Variants in ABHD17B observed in about 807,000 individuals in gnomAD.
The protein encoded by ABHD17B is abhydrolase domain containing 17B, depalmitoylase.
Under a neutral mutation model 26.2 loss-of-function variants are expected in ABHD17B, and 9 were observed. That is an observed-to-expected ratio of 0.34 (90% confidence interval 0.21 to 0.60). ABHD17B has a LOEUF of 0.60. Among genes scored for constraint, ABHD17B ranks in the 20% least tolerant of loss-of-function variants. The probability of loss-of-function intolerance (pLI) is 0.80; values close to 1 mark genes in which losing one functional copy is unlikely to be tolerated. For missense variants in ABHD17B, 224 were observed against 352.1 expected, an observed-to-expected ratio of 0.64 and a Z score of 2.91; for synonymous variants, 127 against 122.3, an observed-to-expected ratio of 1.04 and a Z score of -0.25.
chr9:71,877,778 T>C (rs1589216322), intron 1 of ABHD17B, among the ~76,000 whole-genome samples: 1 of 152,160 alleles, frequency 6.6e-6, no homozygotes, highest in East Asian at 1.9e-4. Context: ...GTTGAACATA[T>C]ATAATGCTGT....
Position 71,874,676 on chromosome 9 carries a change from C to T in ABHD17B, c.405G>A (p.Gly135=), listed in dbSNP as rs747402530. ...CATAGAGGTTCTTCTCTGTGGGTTTCCCGGAACTGGCACCATATCCAGAAT... is the reference window on the plus strand; with the variant it reads ...CATAGAGGTTCTTCTCTGTGGGTTTTCCGGAACTGGCACCATATCCAGAAT... ...YDYSGYGASS[G]KPTEKNLYAD... is the part of the protein sequence containing the mutation. The change falls in exon 2 of 4, where the codon GGG becomes GGA. Residue 135 remains glycine (G), a synonymous_variant. Coordinates refer to ENST00000333421, the MANE Select transcript of ABHD17B (RefSeq NM_001025780.3). 1.9e-6 allele frequency: 3 copies of T among 1,613,374 alleles called. No individual in the cohort carries two copies. The South Asian group carries it at 3.3e-5, about 18-fold the overall frequency.
chr9:71,868,868 T>C (rs1426373572), intron 3 of ABHD17B, among the ~76,000 whole-genome samples: 1 of 152,128 alleles, frequency 6.6e-6, no homozygotes, highest in Non-Finnish European at 1.5e-5. Flanking sequence ...TTTGTAATTT[T>C]GGTGGAGACG....
chr9:71,907,618 TCTC>T (rs1217825161), intron 1 of ABHD17B, among the ~76,000 whole-genome samples: 3 of 152,138 alleles, frequency 2.0e-5, no homozygotes, highest in African/African-American at 7.2e-5. Flanking sequence ...TTCAAGCGAT[TCTC>T]CTGCCTCAGC....
intron 1 of ABHD17B, among the ~76,000 whole-genome samples, chr9:71,875,980 C>T (rs1452392171): frequency 6.6e-6 from 1 of 152,194 alleles, no homozygotes; most frequent in Admixed American, 6.5e-5. Flanking sequence ...TGTTACTGGG[C>T]TACACTGCCT....
intron 1 of ABHD17B, among the ~76,000 whole-genome samples, chr9:71,905,048 T>A (rs185872107): frequency 3.5e-3 from 539 of 152,214 alleles, no homozygotes; most frequent in African/African-American, 0.012. Context: ...ACATTTGATA[T>A]TAAAATTAAA....
intron 1 of ABHD17B, among the ~76,000 whole-genome samples, chr9:71,899,614 A>G (rs755291043): frequency 1.3e-5 from 2 of 152,204 alleles, no homozygotes; most frequent in Non-Finnish European, 2.9e-5. Context: ...TTGTGGAAGG[A>G]GCACTAGCCC....
intron 1 of ABHD17B, among the ~76,000 whole-genome samples, chr9:71,908,342 A>C (rs1165452675): frequency 6.7e-6 from 1 of 148,234 alleles, no homozygotes; most frequent in Non-Finnish European, 1.5e-5. Context: ...CAGTGAGCCG[A>C]GATCGCGCCA....
At chr9:71,909,488 G>A (rs999099469) in intron 1 of ABHD17B, among the ~76,000 whole-genome samples, 2 of 152,126 alleles carry the variant, frequency 1.3e-5, no homozygotes, top group African/African-American at 4.8e-5. Context: ...AACATATGTA[G>A]AGAAACTCTT....
intron 2 of ABHD17B, among the ~76,000 whole-genome samples, chr9:71,873,341 ATAAT>A (rs1826166357): frequency 1.3e-5 from 2 of 152,200 alleles, no homozygotes; most frequent in Non-Finnish European, 2.9e-5. Flanking sequence ...GTATGCTGCT[ATAAT>A]CAAAGAATAA....
chr9:71,902,118 C>T (rs1196851110), intron 1 of ABHD17B, among the ~76,000 whole-genome samples: 1 of 152,104 alleles, frequency 6.6e-6, no homozygotes, highest in East Asian at 1.9e-4. Flanking sequence ...CTCATCACTC[C>T]CCCTTCAAAT....
At chr9:71,875,670 A>C (rs1451110748) in intron 1 of ABHD17B, among the ~76,000 whole-genome samples, 1 of 152,214 alleles carries the variant, frequency 6.6e-6, no homozygotes, top group Non-Finnish European at 1.5e-5. Flanking sequence ...GATAAAGGTA[A>C]TATTTGCCAT....
At chr9:71,864,457 G>A (rs1048306240), downstream of ABHD17B, among the ~76,000 whole-genome samples, 3 of 152,054 alleles carry the variant, frequency 2.0e-5, no homozygotes, top group South Asian at 2.1e-4. Flanking sequence ...CTGACCTCGT[G>A]ATCCACCTGC....
intron 1 of ABHD17B, among the ~76,000 whole-genome samples, chr9:71,892,349 G>A (rs940922761): frequency 2.6e-5 from 4 of 151,834 alleles, no homozygotes; most frequent in Admixed American, 2.0e-4. Context: ...TGGCTAACAC[G>A]GTGAAACCTC....
intron 1 of ABHD17B, among the ~76,000 whole-genome samples, chr9:71,905,248 G>C (rs1827251402): frequency 6.6e-6 from 1 of 150,786 alleles, no homozygotes. Flanking sequence ...TCAGCCTCCT[G>C]AGTAGCTGGG....
At chr9:71,892,971 C>T (rs980431665) in intron 1 of ABHD17B, among the ~76,000 whole-genome samples, 2 of 152,166 alleles carry the variant, frequency 1.3e-5, no homozygotes, top group East Asian at 3.8e-4. Flanking sequence ...TGGCAACCAC[C>T]ATTTTGTCTC....
chr9:71,891,099 A>G (rs1176641631), intron 1 of ABHD17B, among the ~76,000 whole-genome samples: 1 of 152,156 alleles, frequency 6.6e-6, no homozygotes, highest in Non-Finnish European at 1.5e-5. Flanking sequence ...CCACACTTAC[A>G]GCAAACTAGG....
intron 1 of ABHD17B, among the ~76,000 whole-genome samples, chr9:71,899,720 A>G (rs1827077682): frequency 6.6e-6 from 1 of 152,288 alleles, no homozygotes; most frequent in African/African-American, 2.4e-5. Context: ...ATGCACTATG[A>G]GACATAGAGC....
chr9:71,898,437 G>A (rs1827024735), intron 1 of ABHD17B, among the ~76,000 whole-genome samples: 1 of 148,470 alleles, frequency 6.7e-6, no homozygotes, highest in South Asian at 2.1e-4. Flanking sequence ...TTCGAGACCA[G>A]CCTGACCAAC....
rs1825918732 is a variant in ABHD17B at position 71,865,154 on chromosome 9, A to C, written c.*1633T>G. 1.0e-6 allele frequency: 1 copy of C among 985,350 alleles called. No homozygotes were observed. The highest frequency in any genetic ancestry group is 4.7e-5 in the South Asian group (1 of 21,292). The allele number at this position is 985,350 out of a possible 1,614,324, so 61.0% of individuals were successfully genotyped here. On this transcript the variant is annotated 3_prime_UTR_variant, in exon 4 of 4. Transcript: ENST00000333421. ...GGAAAAAGGCAAATAAGCACAGGTC[A>C]GTGGTATATTTGTTGTTTTACTGTT...
Sources: gnomAD v4.1 joint callset for allele counts (sites outside exome capture counted in the v4.1 genomes callset) on GRCh38, gnomAD v4.1.1 for gene constraint, MANE v1.5 for transcripts, NCBI Gene and HGNC (gene_info 2026-07-23, HGNC 2026-07-21) for gene names.